CDYL2: variants seen among roughly 807,000 people sequenced by gnomAD.
CDYL2 encodes the protein chromodomain Y like 2, also known as chromodomain Y-like protein 2.
CDYL2 carries 23 observed loss-of-function variants against 49.4 expected under a neutral mutation model. The observed-to-expected ratio is 0.47, with a 90% CI of 0.34 to 0.66. The LOEUF is 0.66. CDYL2 is among the 30% of genes least tolerant of loss of function. The pLI, the probability that CDYL2 is intolerant of heterozygous loss-of-function variation, is 0.01. For missense variants in CDYL2, 678 were observed against 656.4 expected (o/e 1.03, Z -0.36); for synonymous variants, 360 against 268.8 (o/e 1.34, Z -3.32).
rs578054802 is a variant in CDYL2 at position 80,610,934 on chromosome 16, A to G, written c.1218+1692T>C. 1.8e-4 allele frequency among the ~76,000 whole-genome samples: 27 copies of G among 152,184 alleles called. 1 individual carries two copies. In the South Asian group the frequency reaches 5.0e-3, roughly 28 times the overall value. On this transcript the variant is annotated intron_variant, in intron 5 of 6. Transcript: ENST00000570137. Reference sequence around the variant, plus strand: ...CAGAAGGCCCAGCACCCTCCCCGGCATGCCAGGCTCGCAGGGGCCACTCCA... The same window carrying G: ...CAGAAGGCCCAGCACCCTCCCCGGCGTGCCAGGCTCGCAGGGGCCACTCCA...
chr16:80,638,354 C>T (rs1009756234), intron 2 of CDYL2, among the ~76,000 whole-genome samples: 2 of 152,170 alleles, frequency 1.3e-5, no homozygotes, highest in South Asian at 2.1e-4. Context: ...GGATTATAGG[C>T]GTGTGCCACC....
At chr16:80,735,970 C>T (rs567323273) in intron 1 of CDYL2, among the ~76,000 whole-genome samples, 1 of 152,210 alleles carries the variant, frequency 6.6e-6, no homozygotes, top group Non-Finnish European at 1.5e-5. Flanking sequence ...TCAGGGGCCT[C>T]AAGCAAGTAA....
chr16:80,718,159 G>C (rs116949665), intron 1 of CDYL2, among the ~76,000 whole-genome samples: 3,401 of 152,288 alleles, frequency 0.022, 44 homozygotes, highest in Non-Finnish European at 0.031. Flanking sequence ...TGTCTCCAAA[G>C]CCCGTGCTCT....
At chr16:80,767,059 G>A (rs989856227) in intron 1 of CDYL2, among the ~76,000 whole-genome samples, 2 of 152,098 alleles carry the variant, frequency 1.3e-5, no homozygotes, top group Non-Finnish European at 2.9e-5. Flanking sequence ...GAACTTATCA[G>A]TGTGGTCCCA....
chr16:80,722,676 C>T (rs1905038238), intron 1 of CDYL2, among the ~76,000 whole-genome samples: 1 of 152,178 alleles, frequency 6.6e-6, no homozygotes, highest in African/African-American at 2.4e-5. Context: ...ATCCGAAAAC[C>T]AGGCCCTTTT....
At chr16:80,676,577 G>A (rs1909752521) in intron 2 of CDYL2, among the ~76,000 whole-genome samples, 1 of 152,176 alleles carries the variant, frequency 6.6e-6, no homozygotes, top group Non-Finnish European at 1.5e-5. Context: ...CAATGAACTG[G>A]GGTCAAGTTC....
intron 1 of CDYL2, among the ~76,000 whole-genome samples, chr16:80,802,558 T>C (rs897944250): frequency 2.0e-5 from 3 of 152,204 alleles, no homozygotes; most frequent in Non-Finnish European, 4.4e-5. Flanking sequence ...AACTTCACCT[T>C]GTCTCTTAGC....
chr16:80,656,660 G>A (rs116877374), intron 2 of CDYL2, among the ~76,000 whole-genome samples: 2,035 of 152,256 alleles, frequency 0.013, 14 homozygotes, highest in Middle Eastern at 0.027. Flanking sequence ...ATAAACTCAC[G>A]TGCTGACACC....
intron 1 of CDYL2, among the ~76,000 whole-genome samples, chr16:80,727,574 C>T (rs1297642431): frequency 6.6e-6 from 1 of 152,230 alleles, no homozygotes; most frequent in Non-Finnish European, 1.5e-5. Flanking sequence ...AGCCAGGAAG[C>T]TCGAACTGGG....
intron 2 of CDYL2, among the ~76,000 whole-genome samples, chr16:80,674,501 A>G (rs1172280439): frequency 6.6e-6 from 1 of 152,106 alleles, no homozygotes; most frequent in African/African-American, 2.4e-5. Flanking sequence ...TAAAGTGCAC[A>G]ATTCAGTGAT....
intron 1 of CDYL2, among the ~76,000 whole-genome samples, chr16:80,779,852 T>G (rs924516296): frequency 7.2e-5 from 11 of 152,166 alleles, no homozygotes; most frequent in African/African-American, 2.4e-4. Flanking sequence ...ACTGCTAAAT[T>G]AACAAATTAT....
intron 2 of CDYL2, among the ~76,000 whole-genome samples, chr16:80,659,598 T>C (rs1320794640): frequency 3.3e-5 from 5 of 151,946 alleles, no homozygotes; most frequent in Admixed American, 6.6e-5. Flanking sequence ...TTATATAATG[T>C]GTATATATTA....
chr16:80,641,567 A>G (rs1908088105), intron 2 of CDYL2, among the ~76,000 whole-genome samples: 4 of 152,166 alleles, frequency 2.6e-5, no homozygotes, highest in Admixed American at 2.6e-4. Context: ...CTAAGCAGCC[A>G]TAAAAAATGA....
At chr16:80,709,851 C>A (rs932937029) in intron 1 of CDYL2, among the ~76,000 whole-genome samples, 1 of 152,070 alleles carries the variant, frequency 6.6e-6, no homozygotes, top group African/African-American at 2.4e-5. Flanking sequence ...CCACTGACAA[C>A]ATTTTTGATT....
intron 1 of CDYL2, among the ~76,000 whole-genome samples, chr16:80,737,952 G>C (rs898788923): frequency 7.9e-5 from 12 of 152,122 alleles, no homozygotes; most frequent in African/African-American, 2.9e-4. Flanking sequence ...ATGTGCCATG[G>C]TGGTTTGCTG....
At position 80,732,976 on chromosome 16, in the gene CDYL2, T is replaced by C. The variant is rs370635000; in HGVS notation, c.25-47847A>G. ...TCGTGAAGTATCATTATCTATTTAGTGTCCCAAAAGATGTGATAAAGCCAT... is the reference window on the plus strand; with the variant it reads ...TCGTGAAGTATCATTATCTATTTAGCGTCCCAAAAGATGTGATAAAGCCAT... On this transcript the variant is annotated intron_variant, in intron 1 of 6. Coordinates refer to ENST00000570137, the MANE Select transcript of CDYL2 (RefSeq NM_152342.4). 9.2e-5 allele frequency among the ~76,000 whole-genome samples: 14 copies of C among 152,302 alleles called. No homozygotes were observed. In the East Asian group the frequency reaches 9.6e-4, roughly 10 times the overall value.
intron 5 of CDYL2, among the ~76,000 whole-genome samples, chr16:80,610,452 T>C (rs1206617374): frequency 2.0e-5 from 3 of 152,124 alleles, no homozygotes; most frequent in Admixed American, 6.5e-5. Flanking sequence ...CAATTCACAA[T>C]AGCCGTGGGG....
At chr16:80,668,584 T>C (rs1909368819) in intron 2 of CDYL2, among the ~76,000 whole-genome samples, 1 of 152,024 alleles carries the variant, frequency 6.6e-6, no homozygotes, top group South Asian at 2.1e-4. Flanking sequence ...AGAAGTCACC[T>C]CTAAATAGGA....
At chr16:80,639,126 T>C (rs1394310082) in intron 2 of CDYL2, among the ~76,000 whole-genome samples, 2 of 152,180 alleles carry the variant, frequency 1.3e-5, no homozygotes, top group African/African-American at 4.8e-5. Flanking sequence ...ATTAGGGAAC[T>C]AAAGCAAGGA....
Sources: allele counts gnomAD v4.1 joint callset (sites outside exome capture counted in the v4.1 genomes callset), GRCh38; gene constraint gnomAD v4.1.1; transcripts MANE v1.5; gene names NCBI Gene and HGNC (gene_info 2026-07-23, HGNC 2026-07-21).